The following SHROOM3 variants were observed in gnomAD, a reference collection of about 807,000 sequenced individuals.
The protein encoded by SHROOM3 is shroom family member 3, also known as protein Shroom3.
A neutral mutation model predicts 138.6 loss-of-function variants in SHROOM3; 47 were observed. The observed-to-expected ratio is 0.34, with a 90% CI of 0.27 to 0.43. The LOEUF is 0.43. SHROOM3 is among the 20% of genes least tolerant of loss of function. The pLI is 1.00. For missense variants in SHROOM3, 2,491 were observed against 2,596.5 expected (o/e 0.96, Z 0.88); for synonymous variants, 1,062 against 1,063.3 (o/e 1.00, Z 0.02).
At chr4:76,696,641 C>A (rs768951610) in intron 2 of SHROOM3, among the ~76,000 whole-genome samples, 33 of 152,206 alleles carry the variant, frequency 2.2e-4, no homozygotes, top group Non-Finnish European at 4.3e-4. Context: ...GGTCACCCTT[C>A]CATGTGTGAA....
At chr4:76,560,047 C>T (rs775446267) in intron 2 of SHROOM3, among the ~76,000 whole-genome samples, 5 of 152,168 alleles carry the variant, frequency 3.3e-5, no homozygotes, top group Non-Finnish European at 7.4e-5. Flanking sequence ...AAACAGCTCC[C>T]AGTTGCAGAA....
At chr4:76,478,291 G>A (rs1444671222) in intron 1 of SHROOM3, among the ~76,000 whole-genome samples, 1 of 152,210 alleles carries the variant, frequency 6.6e-6, no homozygotes, top group Non-Finnish European at 1.5e-5. Flanking sequence ...GTTTGGTGGG[G>A]GGAGGGGCAT....
chr4:76,583,163 G>A (rs1243395589), intron 2 of SHROOM3, among the ~76,000 whole-genome samples: 1 of 152,196 alleles, frequency 6.6e-6, no homozygotes, highest in Non-Finnish European at 1.5e-5. Flanking sequence ...GCGTGGTGTG[G>A]ATGGTCTTCC....
In SHROOM3 at chr4:76,533,053, A is replaced by C. The variant is rs947717147; in HGVS notation, c.169-22556A>C. On this transcript the variant is annotated intron_variant, in intron 1 of 10. Coordinates refer to ENST00000296043, the MANE Select transcript of SHROOM3 (RefSeq NM_020859.4). ...GCCCAGTGGAGTTGCACAGTGCAAGATTTCATAATTCTACTCAGAACAGTG... is the reference window on the plus strand; with the variant it reads ...GCCCAGTGGAGTTGCACAGTGCAAGCTTTCATAATTCTACTCAGAACAGTG... 1.3e-4 allele frequency among the ~76,000 whole-genome samples: 20 copies of C among 152,206 alleles called. 1 individual carries two copies. Among genetic ancestry groups the C allele is most frequent in the African/African-American group, 4.8e-4 (20 of 41,458 alleles).
At chr4:76,738,549 TA>T (rs1197215930) in intron 4 of SHROOM3, among the ~76,000 whole-genome samples, 2 of 152,172 alleles carry the variant, frequency 1.3e-5, no homozygotes, top group Non-Finnish European at 2.9e-5. Flanking sequence ...CCTGGGTGAT[TA>T]ATTAGAGGCA....
intron 1 of SHROOM3, among the ~76,000 whole-genome samples, chr4:76,443,846 T>C (rs1024534971): frequency 1.3e-5 from 2 of 152,268 alleles, no homozygotes; most frequent in Non-Finnish European, 2.9e-5. Flanking sequence ...TTTGCACTTA[T>C]GTCAACTACA....
intron 2 of SHROOM3, among the ~76,000 whole-genome samples, chr4:76,658,729 A>C (rs1053635320): frequency 6.6e-6 from 1 of 152,110 alleles, no homozygotes; most frequent in Non-Finnish European, 1.5e-5. Context: ...GTAGGATCCA[A>C]CTAGTAACTA....
chr4:76,651,039 A>C (rs1735944239), intron 2 of SHROOM3, among the ~76,000 whole-genome samples: 1 of 152,076 alleles, frequency 6.6e-6, no homozygotes, highest in African/African-American at 2.4e-5. Flanking sequence ...AGAAAGACAA[A>C]CATTGCATGT....
intron 7 of SHROOM3, among the ~76,000 whole-genome samples, chr4:76,755,425 C>T (rs572132993): frequency 7.2e-4 from 110 of 152,306 alleles, no homozygotes; most frequent in Middle Eastern, 3.4e-3. Context: ...GCACATTTCA[C>T]TTCTGGGGAC....
At chr4:76,675,979 T>C (rs1418585303) in intron 2 of SHROOM3, among the ~76,000 whole-genome samples, 1 of 152,176 alleles carries the variant, frequency 6.6e-6, no homozygotes, top group Non-Finnish European at 1.5e-5. Flanking sequence ...GACCCTAAAG[T>C]TATTCAAGGG....
In SHROOM3 at chr4:76,747,166, T is replaced by G. The variant is rs1019923656; in HGVS notation, c.3754-1851T>G. 4.6e-5 allele frequency among the ~76,000 whole-genome samples: 7 copies of G among 152,248 alleles called. No individual in the cohort carries two copies. In the East Asian group the frequency reaches 9.7e-4, roughly 21 times the overall value. On this transcript the variant is annotated intron_variant, in intron 5 of 10. Transcript: ENST00000296043. ...AGAACTGGTGTATTTTTAAGTCAAT[T>G]TTGAGATAATTAACAAAAATAAATC... is the stretch of plus-strand genomic sequence containing the variant.
chr4:76,770,296 C>T (rs1179567758), intron 9 of SHROOM3, among the ~76,000 whole-genome samples: 1 of 141,050 alleles, frequency 7.1e-6, no homozygotes, highest in Non-Finnish European at 1.5e-5. Flanking sequence ...TGTACTCCAG[C>T]CTGGGTGACA....
rs1259119028 is a variant in SHROOM3 at position 76,740,585 on chromosome 4, T to A, written c.2412T>A (p.Gly804=). 12 of 1,613,928 alleles carry A rather than the reference T, an allele frequency of 7.4e-6. No individual in the cohort carries two copies. The highest frequency in any genetic ancestry group is 1.0e-5 in the Non-Finnish European group (12 of 1,180,022). ...GSQRPSVGGS[G]FGHNYRPHRT... The stretch of plus-strand genomic sequence containing the variant: ...AGAGACCGAGTGTGGGCGGCTCTGG[T>A]TTTGGCCATAACTATAGGCCCCACA... Residue 804 remains glycine (G), a synonymous_variant, in exon 5 of 11, where the codon GGT becomes GGA. Transcript: ENST00000296043. The surrounding 1 kb of genome is among the most constrained non-coding windows in gnomAD (Gnocchi z 4.0).
Position 76,740,123 on chromosome 4 carries a change from C to T in SHROOM3, c.1950C>T (p.Ser650=), listed in dbSNP as rs761213849. ...TGGAGAGAGAAGGCCTAGGCCAGAG[C>T]CTGTCAGGCAACTTTGGCAAGACCA... ...RRLEREGLGQ[S]LSGNFGKTKS... Residue 650 remains serine, a synonymous_variant, in exon 5 of 11, where the codon AGC becomes AGT. Coordinates refer to ENST00000296043, the MANE Select transcript of SHROOM3 (RefSeq NM_020859.4). The surrounding 1 kb of genome is among the most constrained non-coding windows in gnomAD (Gnocchi z 4.0). The T allele has an allele frequency of 3.7e-6, 6 of 1,613,828 alleles. 1 individual carries two copies. The highest frequency in any genetic ancestry group is 3.3e-5 in the South Asian group (3 of 91,086).
At chr4:76,770,520 A>C (rs1681201530) in intron 9 of SHROOM3, 106 bp from the exon 10 acceptor site, 2 of 1,348,756 alleles carry the variant, frequency 1.5e-6, no homozygotes, top group Admixed American at 3.8e-5. Flanking sequence ...GGGGGAGGAT[A>C]TTCAGCTGAG....
chr4:76,689,903 G>A (rs1394452575), intron 2 of SHROOM3, among the ~76,000 whole-genome samples: 1 of 152,168 alleles, frequency 6.6e-6, no homozygotes, highest in Non-Finnish European at 1.5e-5. Context: ...CTAGGCCTTG[G>A]CTTTTTATCA....
chr4:76,663,856 T>C (rs1178344279), intron 2 of SHROOM3, among the ~76,000 whole-genome samples: 3 of 152,200 alleles, frequency 2.0e-5, no homozygotes, highest in African/African-American at 7.2e-5. Context: ...AAACAGGACA[T>C]GAGGCCTTCA....
At chr4:76,464,178 G>A (rs777519617) in intron 1 of SHROOM3, among the ~76,000 whole-genome samples, 1 of 152,242 alleles carries the variant, frequency 6.6e-6, no homozygotes, top group Non-Finnish European at 1.5e-5. Context: ...AGAGCCACAG[G>A]GGTGGAGCCA....
At chr4:76,574,577 T>G (rs1392538609) in intron 2 of SHROOM3, among the ~76,000 whole-genome samples, 1 of 152,206 alleles carries the variant, frequency 6.6e-6, no homozygotes, top group African/African-American at 2.4e-5. Flanking sequence ...CCTCTTAATC[T>G]AATTGATTGA....
Sources: allele counts gnomAD v4.1 joint callset (sites outside exome capture counted in the v4.1 genomes callset), GRCh38; gene constraint gnomAD v4.1.1; non-coding constraint Gnocchi (gnomAD v3.1); transcripts MANE v1.5; gene names NCBI Gene and HGNC (gene_info 2026-07-23, HGNC 2026-07-21).